The following CCDC7 variants were observed in gnomAD, a reference collection of about 807,000 sequenced individuals.
CCDC7 encodes coiled-coil domain containing 7, also known as coiled-coil domain-containing protein 7.
In CCDC7, 183 loss-of-function variants were observed where a neutral mutation model predicts 196.9. The ratio of observed to expected loss-of-function variants is 0.93; its 90% confidence interval spans 0.82 to 1.05. The LOEUF is 1.05. Ranked by LOEUF, CCDC7 falls within the 50% of genes least tolerant of loss-of-function variation. The probability of loss-of-function intolerance (pLI) is 0.00; values close to 1 mark genes in which losing one functional copy is unlikely to be tolerated. For missense variants in CCDC7, 1,540 were observed against 1,482.2 expected, an observed-to-expected ratio of 1.04 and a Z score of -0.64; for synonymous variants, 525 against 484.6, an observed-to-expected ratio of 1.08 and a Z score of -1.10.
intron 9 of CCDC7, among the ~76,000 whole-genome samples, chr10:32,503,352 G>A (rs1314865263): frequency 6.6e-6 from 1 of 152,110 alleles, no homozygotes; most frequent in Non-Finnish European, 1.5e-5. Context: ...GTCTTATTAT[G>A]AAAGGATGTT....
At chr10:32,546,046 A>G (rs1376920343) in intron 13 of CCDC7, among the ~76,000 whole-genome samples, 1 of 152,094 alleles carries the variant, frequency 6.6e-6, no homozygotes. Context: ...ACTGGGCTGA[A>G]TTCTACAAGC....
intron 11 of CCDC7, among the ~76,000 whole-genome samples, chr10:32,520,223 G>T (rs1414841267): frequency 6.6e-6 from 1 of 152,042 alleles, no homozygotes; most frequent in East Asian, 1.9e-4. Flanking sequence ...CTATTTTTGG[G>T]ATATATACAT....
At position 32,850,683 on chromosome 10, in the gene CCDC7, A is replaced by G. The variant is rs545697712; in HGVS notation, c.3896-1124A>G. 1.8e-4 allele frequency among the ~76,000 whole-genome samples: 28 copies of G among 152,214 alleles called. No homozygotes were observed. In the South Asian group the frequency reaches 5.6e-3, roughly 30 times the overall value. ...TGGCATCAGTGCCAAAGACCACGAT[A>G]TTGTGATATATAATCATTTTCAGAG... On this transcript the variant is annotated intron_variant, in intron 39 of 41. Coordinates refer to ENST00000639629, the Ensembl canonical transcript of CCDC7.
chr10:32,689,276 A>T (rs2076806595), intron 23 of CCDC7, 113 bp downstream of exon 24: 3 of 646,428 alleles, frequency 4.6e-6, no homozygotes, highest in Non-Finnish European at 7.8e-6. Flanking sequence ...TGAATACCCT[A>T]CCATAATTAA....
At chr10:32,472,269 A>G (rs916374320) in intron 6 of CCDC7, among the ~76,000 whole-genome samples, 2 of 152,174 alleles carry the variant, frequency 1.3e-5, no homozygotes, top group Non-Finnish European at 2.9e-5. Context: ...CATGGCCTAC[A>G]TGGAATTCAT....
At chr10:32,611,011 A>G (rs1307839656) in intron 18 of CCDC7, among the ~76,000 whole-genome samples, 3 of 152,202 alleles carry the variant, frequency 2.0e-5, no homozygotes, top group Non-Finnish European at 2.9e-5. Context: ...GTCTTCCACA[A>G]TGGTTGAACT....
intron 18 of CCDC7, among the ~76,000 whole-genome samples, chr10:32,623,557 C>G (rs2063637955): frequency 6.6e-6 from 1 of 151,952 alleles, no homozygotes; most frequent in African/African-American, 2.4e-5. Context: ...TTAATTTTCC[C>G]TCTTCTACAA....
intron 41 of CCDC7, among the ~76,000 whole-genome samples, chr10:32,860,776 A>G (rs2093951380): frequency 6.6e-6 from 1 of 152,176 alleles, no homozygotes; most frequent in Admixed American, 6.6e-5. Context: ...AATAACAAAC[A>G]GAGAGCCAAA....
intron 16 of CCDC7, among the ~76,000 whole-genome samples, chr10:32,575,049 C>CA (rs374988840): frequency 1.8e-4 from 28 of 151,654 alleles, no homozygotes; most frequent in African/African-American, 6.3e-4. Flanking sequence ...ACAGGAGAGA[C>CA]AAAAAATAAA....
intron 23 of CCDC7, among the ~76,000 whole-genome samples, chr10:32,691,835 C>T (rs1409802025): frequency 6.6e-6 from 1 of 152,184 alleles, no homozygotes; most frequent in African/African-American, 2.4e-5. Flanking sequence ...TTTCCAGTAG[C>T]AGGGAACATG....
chr10:32,716,838 G>A (rs981708016), intron 25 of CCDC7, among the ~76,000 whole-genome samples: 1 of 152,208 alleles, frequency 6.6e-6, no homozygotes, highest in Non-Finnish European at 1.5e-5. Flanking sequence ...AATGCAACAA[G>A]AAGAGCTAAC....
upstream of CCDC7, among the ~76,000 whole-genome samples, chr10:32,450,801 T>G (rs756406989): frequency 2.0e-5 from 3 of 152,158 alleles, no homozygotes; most frequent in Non-Finnish European, 2.9e-5. Flanking sequence ...GGGGGAAAGA[T>G]AGGAAGAAAT....
chr10:32,774,094 T>G (rs2079583110), intron 28 of CCDC7, among the ~76,000 whole-genome samples: 1 of 152,210 alleles, frequency 6.6e-6, no homozygotes, highest in African/African-American at 2.4e-5. Flanking sequence ...ATGTTGATGT[T>G]TCCAGATCAA....
chr10:32,615,963 T>C (rs2062722548), intron 18 of CCDC7, among the ~76,000 whole-genome samples: 1 of 152,038 alleles, frequency 6.6e-6, no homozygotes, highest in East Asian at 1.9e-4. Flanking sequence ...GTTGAATTGG[T>C]CAAAAATCAG....
intron 11 of CCDC7, 26 bp downstream of exon 12, chr10:32,518,531 A>T (rs768730618): frequency 6.3e-7 from 1 of 1,585,606 alleles, no homozygotes; most frequent in South Asian, 1.1e-5. Context: ...GTGTTTGAAA[A>T]TGGCATACAC....
chr10:32,535,715 T>C (rs908469297), intron 11 of CCDC7, among the ~76,000 whole-genome samples: 20 of 152,160 alleles, frequency 1.3e-4, no homozygotes, highest in African/African-American at 4.8e-4. Context: ...GTTTAGACCT[T>C]TAAGAGGTGC....
chr10:32,514,230 C>A (rs1325464514), intron 9 of CCDC7: 1 of 152,148 alleles, frequency 6.6e-6, no homozygotes, highest in Non-Finnish European at 1.5e-5. Flanking sequence ...TGTTGAAGTT[C>A]TCACCCCCTG....
At chr10:32,691,754 C>CAGTG (rs2077110518) in intron 23 of CCDC7, among the ~76,000 whole-genome samples, 1 of 152,142 alleles carries the variant, frequency 6.6e-6, no homozygotes, top group African/African-American at 2.4e-5. Context: ...CTCACTCCAT[C>CAGTG]AGTGACCTTA....
intron 16 of CCDC7, 121 bp from the exon 18 acceptor site, chr10:32,582,913 T>C (rs993774357): frequency 1.2e-5 from 7 of 564,604 alleles, no homozygotes; most frequent in Non-Finnish European, 1.8e-5. Flanking sequence ...GGAATAACCA[T>C]AAACTAATGA....
Sources: allele counts gnomAD v4.1 joint callset (sites outside exome capture counted in the v4.1 genomes callset), GRCh38; gene constraint gnomAD v4.1.1; transcripts MANE v1.5; gene names NCBI Gene and HGNC (gene_info 2026-07-23, HGNC 2026-07-21).